FBXL18: variants seen among roughly 807,000 people sequenced by gnomAD.
The protein encoded by FBXL18 is F-box/LRR-repeat protein 18.
In FBXL18, 36 loss-of-function variants were observed where a neutral mutation model predicts 46.0. The observed-to-expected ratio is 0.78, with a 90% confidence interval of 0.60 to 1.03. The LOEUF is 1.03. Among genes scored for constraint, FBXL18 ranks in the 50% least tolerant of loss-of-function variants. The pLI, the probability that FBXL18 is intolerant of heterozygous loss-of-function variation, is 0.00. For synonymous variants in FBXL18, 557 were observed against 465.3 expected, an observed-to-expected ratio of 1.20 and a Z score of -2.54; for missense variants, 977 against 1,004.1, an observed-to-expected ratio of 0.97 and a Z score of 0.36.
chr7:5,472,928 C>T (rs1188111648), downstream of FBXL18, among the ~76,000 whole-genome samples: 1 of 152,164 alleles, frequency 6.6e-6, no homozygotes, highest in Non-Finnish European at 1.5e-5. Flanking sequence ...CCCCGCTTGC[C>T]TGTCACTGTA....
At position 5,500,912 on chromosome 7, in the gene FBXL18, G is replaced by A. The variant is rs1584234256; in HGVS notation, c.1357C>T (p.Arg453Cys). The change falls in exon 3 of 5, where the codon CGT becomes TGT. Residue 453 changes from arginine to cysteine, a missense_variant. Coordinates refer to ENST00000382368, the MANE Select transcript of FBXL18 (RefSeq NM_024963.6). ...AVPRGFGKKV[R>C]VGVQSCPSPF... ...CTGGGACAGGACTGCACGCCCACAC[G>A]CACTTTCTTGCCAAAGCCGCGCGGC... 6.4e-7 allele frequency: 1 copy of A among 1,570,476 alleles called. No homozygotes were observed. The highest frequency in any genetic ancestry group is 1.4e-5 in the African/African-American group (1 of 73,784).
rs562912747 is a variant in FBXL18 at position 5,495,461 on chromosome 7, T to G, written c.1782-4012A>C. Reference sequence around the variant, plus strand: ...GCTTAGCTGGTCTAGGGAAAGAAGGTGTCTTTTCTGCCCAATTTGTAATCC... The same window carrying G: ...GCTTAGCTGGTCTAGGGAAAGAAGGGGTCTTTTCTGCCCAATTTGTAATCC... On this transcript the variant is annotated intron_variant, in intron 3 of 4. Coordinates refer to ENST00000382368, the MANE Select transcript of FBXL18 (RefSeq NM_024963.6). Among the ~76,000 whole-genome samples, 14 of 152,280 alleles carry G rather than the reference T, an allele frequency of 9.2e-5. No homozygotes were observed. The East Asian group carries it at 2.7e-3, about 29-fold the overall frequency.
In FBXL18 at chr7:5,501,935, C is replaced by A. The variant is rs62453395; in HGVS notation, c.334G>T (p.Val112Leu). Residue 112 changes from valine to leucine, a missense_variant, in exon 3 of 5, where the codon GTG becomes TTG. Val to Leu is a conservative substitution (Grantham distance 32). Transcript: ENST00000382368. The stretch of plus-strand genomic sequence containing the variant: ...CTGCGGCAGCGGGCCACGTGTTCCA[C>A]GGTGGAGCCAGGCAGCCAGTAGCAG... Reference protein sequence around the residue: ...AGCYWLPGSTVEHVARCRSLV... With the variant: ...AGCYWLPGSTLEHVARCRSLV... 1 of 1,604,154 alleles carries A rather than the reference C, an allele frequency of 6.2e-7. No individual in the cohort carries two copies. Among genetic ancestry groups the A allele is most frequent in the African/African-American group, 1.3e-5 (1 of 74,870 alleles).
rs1562681760 is a variant in FBXL18, at chr7:5,478,837, G to A, written c.*2938C>T. The A allele has an allele frequency of 6.6e-6, 1 of 152,100 alleles. No individual in the cohort carries two copies. The highest frequency in any genetic ancestry group is 2.4e-5 in the African/African-American group (1 of 41,394). 9.4% of individuals were successfully genotyped at this position (152,100 alleles called of 1,614,324 possible). On this transcript the variant is annotated 3_prime_UTR_variant, in exon 5 of 5. Transcript: ENST00000382368. ...GCACATGTGCACACACAGGGCACAG[G>A]TACCCGCAGGCACACGTGCACGCAG...
At chr7:5,498,958 A>G (rs1272139445) in intron 3 of FBXL18, among the ~76,000 whole-genome samples, 1 of 152,228 alleles carries the variant, frequency 6.6e-6, no homozygotes, top group Admixed American at 6.5e-5. Context: ...TTCCTTAAAT[A>G]CTAGGAACGG....
Position 5,481,942 on chromosome 7 carries a change from G to A in FBXL18, c.2001-11C>T, listed in dbSNP as rs1418444167. The A allele has an allele frequency of 6.3e-7, 1 of 1,594,914 alleles. No individual in the cohort carries two copies. The highest frequency in any genetic ancestry group is 8.6e-7 in the Non-Finnish European group (1 of 1,169,426). Reference sequence around the variant, plus strand: ...CGCTCGGCCTGGAAGCTGAACCAGAGACAGGCGGTCAGCGGATTACATGGG... The same window carrying A: ...CGCTCGGCCTGGAAGCTGAACCAGAAACAGGCGGTCAGCGGATTACATGGG... On this transcript the variant is annotated splice_polypyrimidine_tract_variant and intron_variant, in intron 4 of 4. Coordinates refer to ENST00000382368, the MANE Select transcript of FBXL18 (RefSeq NM_024963.6).
At chr7:5,509,484 G>T (rs570027762) in intron 1 of FBXL18, among the ~76,000 whole-genome samples, 53 of 152,154 alleles carry the variant, frequency 3.5e-4, no homozygotes, top group African/African-American at 1.2e-3. Flanking sequence ...CACGAGGTCA[G>T]GAGTTCGAGA....
intron 4 of FBXL18, among the ~76,000 whole-genome samples, chr7:5,468,636 TC>T (rs1283224782): frequency 1.2e-4 from 18 of 152,304 alleles, no homozygotes; most frequent in Admixed American, 1.0e-3. Context: ...AGCGTCTTAC[TC>T]TGTTGCCCAG....
intron 4 of FBXL18, among the ~76,000 whole-genome samples, chr7:5,469,514 T>C (rs2128231922): frequency 6.6e-6 from 1 of 151,942 alleles, no homozygotes; most frequent in Middle Eastern, 3.4e-3. Context: ...CTTGTGCACG[T>C]GAGTGTGAAT....
chr7:5,454,978 C>T (rs976016016), intron 4 of FBXL18, among the ~76,000 whole-genome samples: 13 of 152,226 alleles, frequency 8.5e-5, no homozygotes, highest in African/African-American at 3.1e-4. Context: ...CTCACCCCTA[C>T]AGTTGGGGAA....
chr7:5,484,973 G>T (rs544235622), intron 4 of FBXL18, among the ~76,000 whole-genome samples: 1 of 152,032 alleles, frequency 6.6e-6, no homozygotes, highest in Non-Finnish European at 1.5e-5. Flanking sequence ...GTAGAGACAG[G>T]ATCTCACCAT....
intron 1 of FBXL18, among the ~76,000 whole-genome samples, chr7:5,506,368 C>G (rs536512564): frequency 1.3e-5 from 2 of 152,120 alleles, no homozygotes; most frequent in South Asian, 4.1e-4. Flanking sequence ...CCTGGCTCAG[C>G]CTCCCAAGTA....
At chr7:5,489,718 G>T in intron 4 of FBXL18, 1 of 228,980 alleles carries the variant, frequency 4.4e-6, no homozygotes, top group Middle Eastern at 1.8e-3. Context: ...GGCAGAGCTT[G>T]CAGCGAGCCG....
Position 5,495,152 on chromosome 7 carries a change from G to A in FBXL18, c.1782-3703C>T, listed in dbSNP as rs553203068. On this transcript the variant is annotated intron_variant, in intron 3 of 4. Coordinates refer to ENST00000382368, the MANE Select transcript of FBXL18 (RefSeq NM_024963.6). Reference sequence around the variant, plus strand: ...ACTGCGCCGGGCCTCACCTTTGAGTGAGGATCCAGCCTCCCCATTCTGCTC... The same window carrying A: ...ACTGCGCCGGGCCTCACCTTTGAGTAAGGATCCAGCCTCCCCATTCTGCTC... 6.2e-3 allele frequency among the ~76,000 whole-genome samples: 950 copies of A among 152,332 alleles called. 5 individuals carry two copies. Among genetic ancestry groups the A allele is most frequent in the Non-Finnish European group, 0.011 (737 of 68,026 alleles).
downstream of FBXL18, among the ~76,000 whole-genome samples, chr7:5,473,163 A>C (rs1387996489): frequency 6.6e-6 from 1 of 152,166 alleles, no homozygotes; most frequent in Non-Finnish European, 1.5e-5. Context: ...AACGGCTCAG[A>C]CAATGTTGGG....
rs1190911358 is a variant in FBXL18, at chr7:5,476,881, A to C, written c.*4894T>G. ...GTTCATCATGCCCAGTAGATCTAGA[A>C]ACTTCTTTTGTTTTTTTTTTTTTTG... On this transcript the variant is annotated 3_prime_UTR_variant, in exon 5 of 5. Coordinates refer to ENST00000382368, the MANE Select transcript of FBXL18 (RefSeq NM_024963.6). 2 of 150,368 alleles carry C rather than the reference A, an allele frequency of 1.3e-5. No homozygotes were observed. The highest frequency in any genetic ancestry group is 4.9e-5 in the African/African-American group (2 of 40,760). The allele number at this position is 150,368 out of a possible 1,614,324, so 9.3% of individuals were successfully genotyped here.
At chr7:5,494,869 G>C (rs765210092) in intron 3 of FBXL18, among the ~76,000 whole-genome samples, 1 of 152,076 alleles carries the variant, frequency 6.6e-6, no homozygotes, top group Non-Finnish European at 1.5e-5. Flanking sequence ...TCTGCAGAGC[G>C]TGGAAAAAAA....
chr7:5,462,081 T>C (rs1301097690), intron 4 of FBXL18, among the ~76,000 whole-genome samples: 1 of 151,578 alleles, frequency 6.6e-6, no homozygotes, highest in Non-Finnish European at 1.5e-5. Context: ...CTACTAAAAT[T>C]AGCTGGCATG....
chr7:5,473,634 T>C (rs1783462327), downstream of FBXL18, among the ~76,000 whole-genome samples: 1 of 25,978 alleles, frequency 3.8e-5, no homozygotes, highest in African/African-American at 2.2e-4. Context: ...TGGTGGCACA[T>C]GCCTCTTACC....
Sources: gnomAD v4.1 joint callset for allele counts (sites outside exome capture counted in the v4.1 genomes callset) on GRCh38, gnomAD v4.1.1 for gene constraint, MANE v1.5 for transcripts, NCBI Gene and HGNC (gene_info 2026-07-23, HGNC 2026-07-21) for gene names.